Variants in MGAM observed in about 807,000 individuals in gnomAD.
The protein encoded by MGAM is maltase-glucoamylase.
A neutral mutation model predicts 358.8 loss-of-function variants in MGAM; 253 were observed. That is an observed-to-expected ratio of 0.71 (90% CI 0.64 to 0.78). The LOEUF is 0.78. MGAM is among the 30% of genes least tolerant of loss of function. MGAM has a pLI of 0.00. For synonymous variants in MGAM, 1,105 were observed against 1,227.1 expected (o/e 0.90, Z 2.08); for missense variants, 3,080 against 3,432.6 (o/e 0.90, Z 2.57).
In MGAM at chr7:142,071,191, G is replaced by C; in HGVS notation, c.5186+73G>C. 1.4e-6 allele frequency: 2 copies of C among 1,454,500 alleles called. 1 individual carries two copies. Among genetic ancestry groups the C allele is most frequent in the Non-Finnish European group, 1.9e-6 (2 of 1,066,890 alleles). The allele number at this position is 1,454,500 out of a possible 1,614,324, so 90.1% of individuals were successfully genotyped here. On this transcript the variant is annotated intron_variant, in intron 44 of 70. Transcript: ENST00000475668. ...AATTTGTGATGAAGTCTACCAAAAT[G>C]TAAGCATCACTTTCAAACCCACATG...
chr7:142,035,624 C>G (rs562036163), intron 16 of MGAM, among the ~76,000 whole-genome samples: 1 of 152,090 alleles, frequency 6.6e-6, no homozygotes, highest in East Asian at 1.9e-4. Flanking sequence ...AAAATGAGCA[C>G]AAACAGTATA....
rs568927816 is a variant in MGAM at position 142,080,484 on chromosome 7, T to C, written c.5848-307T>C. 2.0e-5 allele frequency among the ~76,000 whole-genome samples: 3 copies of C among 146,530 alleles called. No individual in the cohort carries two copies. In the East Asian group the frequency reaches 6.1e-4, roughly 30 times the overall value. ...TTTAAGGTATTTATATATTCTCATA[T>C]ACCCACAGAAAATAACAAGTAACAT... is the stretch of plus-strand genomic sequence containing the variant. On this transcript the variant is annotated intron_variant, in intron 49 of 70. Transcript: ENST00000475668.
intron 2 of MGAM, among the ~76,000 whole-genome samples, chr7:141,987,771 C>T (rs1348428407): frequency 7.0e-6 from 1 of 141,884 alleles, no homozygotes; most frequent in Non-Finnish European, 1.5e-5. Context: ...AATGAACAAA[C>T]ATTTAGTTTG....
chr7:142,088,940 T>C (rs1349278219), intron 57 of MGAM, among the ~76,000 whole-genome samples: 1 of 142,598 alleles, frequency 7.0e-6, no homozygotes, highest in African/African-American at 2.5e-5. Context: ...ATCATTTATC[T>C]ACCTATTTAT....
At chr7:141,987,787 G>A (rs1309595309) in intron 2 of MGAM, among the ~76,000 whole-genome samples, 1 of 151,200 alleles carries the variant, frequency 6.6e-6, no homozygotes, top group Non-Finnish European at 1.5e-5. Context: ...GTTTGAAAAA[G>A]CCATTTTCTG....
chr7:142,083,416 A>G lies in MGAM; in HGVS notation c.6381+3A>G, dbSNP rs1563207389. The G allele has an allele frequency of 6.5e-7, 1 of 1,534,036 alleles. No homozygotes were observed. The highest frequency in any genetic ancestry group is 9.0e-7 in the Non-Finnish European group (1 of 1,116,540). ...TTGTCACCCAGCAGTACACTGAGGT[A>G]GGGAGAAATCCAATTGTTTATCAAG... On this transcript the variant is annotated splice_donor_region_variant and intron_variant, in intron 53 of 70. Transcript: ENST00000475668.
At chr7:142,055,488 G>A (rs546298333) in intron 27 of MGAM, 70 bp from the exon 28 acceptor site, 10 of 1,594,724 alleles carry the variant, frequency 6.3e-6, no homozygotes, top group Middle Eastern at 1.7e-4. Flanking sequence ...TGTTGTCCTT[G>A]AAAAGTCACC....
chr7:142,052,123 A>G (rs1811035395), intron 24 of MGAM, among the ~76,000 whole-genome samples, 171 bp from the exon 25 acceptor site: 1 of 152,170 alleles, frequency 6.6e-6, no homozygotes, highest in South Asian at 2.1e-4. Flanking sequence ...TTGCTGCTAA[A>G]TAGATTCTCC....
chr7:142,078,397 A>G lies in MGAM; in HGVS notation c.5573A>G (p.Glu1858Gly), dbSNP rs750013457. ...TGGAGCATAAAGATAAGGGATGAAG[A>G]AAAAATAGACTGTTACCCTGATGAG... Reference protein sequence around the residue: ...VEWSIKIRDEEKIDCYPDENG... With the variant: ...VEWSIKIRDEGKIDCYPDENG... The change falls in exon 48 of 71, where the codon GAA becomes GGA. Residue 1858 changes from glutamate (E) to glycine (G), a missense_variant. Coordinates refer to ENST00000475668, the MANE Select transcript of MGAM (RefSeq NM_001365693.1). 2 of 1,534,040 alleles carry G rather than the reference A, an allele frequency of 1.3e-6. No homozygotes were observed. The highest frequency in any genetic ancestry group is 1.3e-5 in the African/African-American group (1 of 74,288).
At chr7:142,003,858 C>T (rs1342966136) in intron 1 of MGAM, among the ~76,000 whole-genome samples, 1 of 151,696 alleles carries the variant, frequency 6.6e-6, no homozygotes, top group African/African-American at 2.4e-5. Context: ...AAACACATAA[C>T]CCCATTAAAA....
chr7:142,095,447 G>A lies in MGAM; in HGVS notation c.7459-118G>A, dbSNP rs890343061. On this transcript the variant is annotated intron_variant, in intron 63 of 70. Transcript: ENST00000475668. ...TAAGAATATTCTCTGGGCCTCATGT[G>A]TAGTTTTCTTTTGTTTAGCTGTGAG... 3.3e-5 allele frequency: 47 copies of A among 1,419,476 alleles called. 1 individual carries two copies. The African/African-American group carries it at 3.4e-4, about 10-fold the overall frequency. The allele number at this position is 1,419,476 out of a possible 1,614,324, so 87.9% of individuals were successfully genotyped here. A position where few individuals can be genotyped will look rare whatever the true frequency, so the allele number is the denominator to read the frequency against.
intron 29 of MGAM, among the ~76,000 whole-genome samples, chr7:142,056,487 G>A (rs963227556): frequency 1.3e-5 from 2 of 152,130 alleles, no homozygotes; most frequent in African/African-American, 4.8e-5. Flanking sequence ...CACTGTCCGG[G>A]TGAGGGATCC....
Position 142,022,860 on chromosome 7 carries a change from G to A in MGAM, c.882+421G>A, listed in dbSNP as rs143920969. On this transcript the variant is annotated intron_variant, in intron 7 of 70. Transcript: ENST00000475668. ...TCACCTTTAATCACTGACTCACCAG[G>A]TTTATCATCACAATAGGATAAAGTC... Among the ~76,000 whole-genome samples the A allele has an allele frequency of 8.8e-3, 1,346 of 152,146 alleles. 23 individuals are homozygous for A. The highest frequency in any genetic ancestry group is 0.031 in the African/African-American group (1,266 of 41,496).
chr7:142,070,737 G>C lies in MGAM; in HGVS notation c.5062-257G>C, dbSNP rs985902940. On this transcript the variant is annotated intron_variant, in intron 43 of 70. Transcript: ENST00000475668. Reference sequence around the variant, plus strand: ...TTCTGATACAGGTGAGAGTGTAGCAGTTCTTCCTGTTACACATCAGGCAAA... The same window carrying C: ...TTCTGATACAGGTGAGAGTGTAGCACTTCTTCCTGTTACACATCAGGCAAA... 3.4e-5 allele frequency among the ~76,000 whole-genome samples: 5 copies of C among 146,270 alleles called. 1 individual carries two copies. The highest frequency in any genetic ancestry group is 6.2e-5 in the Non-Finnish European group (4 of 64,578).
rs1215807324 is a variant in MGAM, at chr7:142,089,703, C to G, written c.6811-2210C>G. 3.4e-5 allele frequency among the ~76,000 whole-genome samples: 5 copies of G among 145,340 alleles called. 2 individuals are homozygous for G. Among genetic ancestry groups the G allele is most frequent in the Non-Finnish European group, 7.8e-5 (5 of 64,242 alleles). On this transcript the variant is annotated intron_variant, in intron 57 of 70. Transcript: ENST00000475668. ...TTAGGAGGCTGAGGTAGGAGAATCG[C>G]TTGAACCCGGGAGGCAGAGGTTGCA...
At chr7:142,028,748 A>T (rs961970951) in intron 10 of MGAM, among the ~76,000 whole-genome samples, 2 of 152,140 alleles carry the variant, frequency 1.3e-5, no homozygotes, top group Admixed American at 6.6e-5. Flanking sequence ...TGGAATTGAG[A>T]TTCAAAAAGC....
chr7:142,021,234 T>C (rs1429920475), intron 5 of MGAM, among the ~76,000 whole-genome samples, 151 bp downstream of exon 5: 1 of 152,208 alleles, frequency 6.6e-6, no homozygotes, highest in African/African-American at 2.4e-5. Context: ...TAAAGACATA[T>C]ACAGAATAGC....
chr7:142,070,496 G>T lies in MGAM; in HGVS notation c.5062-498G>T, dbSNP rs1201604075. ...GAAATGAGAGGATTTTGCCTACCAG[G>T]GGACATTTGGCAATGCCTGGAGATA... On this transcript the variant is annotated intron_variant, in intron 43 of 70. Coordinates refer to ENST00000475668, the MANE Select transcript of MGAM (RefSeq NM_001365693.1). 2.7e-5 allele frequency among the ~76,000 whole-genome samples: 4 copies of T among 146,074 alleles called. 1 individual carries two copies. The highest frequency in any genetic ancestry group is 6.2e-5 in the Non-Finnish European group (4 of 64,544).
At chr7:142,063,216 C>CAAA (rs11461388) in intron 35 of MGAM, among the ~76,000 whole-genome samples, 2 of 148,774 alleles carry the variant, frequency 1.3e-5, no homozygotes. Flanking sequence ...AAAACAAAAC[C>CAAA]AAAAAAAAAA....
Sources: allele counts gnomAD v4.1 joint callset (sites outside exome capture counted in the v4.1 genomes callset), GRCh38; gene constraint gnomAD v4.1.1; transcripts MANE v1.5; gene names NCBI Gene and HGNC (gene_info 2026-07-23, HGNC 2026-07-21).